The following ADRA1B variants were observed in gnomAD, a reference collection of about 807,000 sequenced individuals.
ADRA1B encodes the protein alpha-1B adrenergic receptor.
A neutral mutation model predicts 17.9 loss-of-function variants in ADRA1B; 17 were observed. The observed-to-expected ratio is 0.95, with a 90% confidence interval of 0.65 to 1.42. The LOEUF is 1.42. Among genes scored for constraint, ADRA1B ranks in the 40% most tolerant of loss-of-function variants. ADRA1B has a pLI of 0.00. For synonymous variants in ADRA1B, 366 were observed against 327.6 expected, an observed-to-expected ratio of 1.12 and a Z score of -1.27; for missense variants, 681 against 722.1, an observed-to-expected ratio of 0.94 and a Z score of 0.65.
chr5:159,926,770 C>A (rs1224496092), intron 1 of ADRA1B, among the ~76,000 whole-genome samples: 1 of 152,012 alleles, frequency 6.6e-6, no homozygotes. Context: ...ACCTGTAATC[C>A]CAGCTACTTG....
At chr5:159,955,587 T>C (rs1755537978) in intron 1 of ADRA1B, among the ~76,000 whole-genome samples, 1 of 152,154 alleles carries the variant, frequency 6.6e-6, no homozygotes, top group South Asian at 2.1e-4. Flanking sequence ...CACCTGTGCC[T>C]CTCTGCCAGC....
chr5:159,873,348 G>A (rs1232585360), intron 1 of ADRA1B, among the ~76,000 whole-genome samples: 1 of 152,194 alleles, frequency 6.6e-6, no homozygotes, highest in Non-Finnish European at 1.5e-5. Context: ...CTTCAGGAAA[G>A]AACCCACTGA....
chr5:159,877,915 C>T (rs545553639), intron 1 of ADRA1B, among the ~76,000 whole-genome samples: 1 of 152,290 alleles, frequency 6.6e-6, no homozygotes, highest in Non-Finnish European at 1.5e-5. Context: ...AGTGAATGCT[C>T]TTGAAATCCA....
chr5:159,984,042 T>C, the ADRA1B span, among the ~76,000 whole-genome samples: 2 of 152,062 alleles, frequency 1.3e-5, no homozygotes, highest in Admixed American at 6.6e-5. Flanking sequence ...TTGGTGTGAC[T>C]GATACACTGC....
chr5:159,898,478 C>T (rs1176493532), intron 1 of ADRA1B, among the ~76,000 whole-genome samples: 1 of 152,172 alleles, frequency 6.6e-6, no homozygotes, highest in Non-Finnish European at 1.5e-5. Flanking sequence ...GTTTATATCT[C>T]TAATGTATGT....
chr5:159,887,963 T>C (rs1201505219), intron 1 of ADRA1B: 3 of 152,178 alleles, frequency 2.0e-5, no homozygotes, highest in African/African-American at 7.2e-5. Context: ...GTTTTCCATA[T>C]TGGGCTTTCA....
chr5:159,966,289 G>A (rs1755774734), intron 1 of ADRA1B, among the ~76,000 whole-genome samples: 1 of 152,182 alleles, frequency 6.6e-6, no homozygotes, highest in African/African-American at 2.4e-5. Context: ...AGAGTTGACT[G>A]AGTGACAGAC....
At chr5:159,953,567 G>A (rs1755491211) in intron 1 of ADRA1B, among the ~76,000 whole-genome samples, 1 of 152,228 alleles carries the variant, frequency 6.6e-6, no homozygotes, top group Middle Eastern at 3.4e-3. Flanking sequence ...AGTAGCTCTG[G>A]GTCGGGCCTC....
Position 159,972,393 on chromosome 5 carries a change from C to T in ADRA1B, c.1464C>T (p.Asp488=), listed in dbSNP as rs1303677234. The T allele has an allele frequency of 6.2e-5, 93 of 1,511,930 alleles. No homozygotes were observed. The highest frequency in any genetic ancestry group is 7.8e-5 in the Non-Finnish European group (89 of 1,136,104). 93.7% of individuals were successfully genotyped at this position (1,511,930 alleles called of 1,614,324 possible). A position where few individuals can be genotyped will look rare whatever the true frequency, so the allele number is the denominator to read the frequency against. ...CCGAGCCCGAGAGCCCCGGGACCGA[C>T]GGCGGCGCCAGCAACGGAGGCTGCG... The part of the protein sequence containing the change: ...LLTEPESPGT[D]GGASNGGCEA... The change falls in exon 2 of 2, where the codon GAC becomes GAT. Residue 488 remains aspartate, a synonymous_variant. Coordinates refer to ENST00000306675, the MANE Select transcript of ADRA1B (RefSeq NM_000679.4).
intron 1 of ADRA1B, among the ~76,000 whole-genome samples, chr5:159,928,752 G>T (rs1754724853): frequency 6.6e-6 from 1 of 152,146 alleles, no homozygotes; most frequent in Admixed American, 6.5e-5. Flanking sequence ...GTTAAAATGG[G>T]ACCAAGGGCA....
At chr5:159,982,961 C>A in the ADRA1B span, among the ~76,000 whole-genome samples, 19 of 152,330 alleles carry the variant, frequency 1.2e-4, no homozygotes, top group African/African-American at 4.6e-4. Context: ...TCTGAACGTG[C>A]GTGCACACAC....
chr5:159,881,311 C>CTCTCTCTCTG, intron 1 of ADRA1B, among the ~76,000 whole-genome samples: 1 of 148,012 alleles, frequency 6.8e-6, no homozygotes, highest in Non-Finnish European at 1.5e-5. Context: ...CTCTCTCTCT[C>CTCTCTCTCTG]TCTCTCTCTC....
chr5:159,880,357 A>G (rs563323757), intron 1 of ADRA1B, among the ~76,000 whole-genome samples: 27 of 152,362 alleles, frequency 1.8e-4, no homozygotes, highest in African/African-American at 5.8e-4. Context: ...TAAGTGCCAC[A>G]TAATTCATTC....
At chr5:159,953,130 G>C (rs1755478687) in intron 1 of ADRA1B, among the ~76,000 whole-genome samples, 1 of 152,180 alleles carries the variant, frequency 6.6e-6, no homozygotes, top group South Asian at 2.1e-4. Context: ...GGAGGCCAAG[G>C]CAGGTGGATC....
At chr5:159,942,911 T>C (rs886149527) in intron 1 of ADRA1B, among the ~76,000 whole-genome samples, 1 of 152,198 alleles carries the variant, frequency 6.6e-6, no homozygotes, top group Non-Finnish European at 1.5e-5. Context: ...ATTACATGTG[T>C]AATTAATAAT....
chr5:159,922,329 G>A (rs768471134), intron 1 of ADRA1B, among the ~76,000 whole-genome samples: 28 of 152,284 alleles, frequency 1.8e-4, no homozygotes, highest in Middle Eastern at 6.8e-3. Flanking sequence ...TCTGGTCCAA[G>A]GTCACACATC....
At chr5:159,904,727 T>C (rs1246565481) in intron 1 of ADRA1B, among the ~76,000 whole-genome samples, 2 of 152,236 alleles carry the variant, frequency 1.3e-5, no homozygotes, top group East Asian at 3.8e-4. Flanking sequence ...GATACTGAAG[T>C]CTCCTGAAGT....
chr5:159,867,432 T>C (rs1753672348), intron 1 of ADRA1B, among the ~76,000 whole-genome samples: 2 of 152,204 alleles, frequency 1.3e-5, no homozygotes, highest in Admixed American at 6.5e-5. Flanking sequence ...TCATGTACAA[T>C]GCAGTACAAC....
chr5:159,936,989 A>C (rs76342362), intron 1 of ADRA1B, among the ~76,000 whole-genome samples: 4,856 of 152,274 alleles, frequency 0.032, 107 homozygotes, highest in Middle Eastern at 0.048. Context: ...ATCACCCAGA[A>C]ACTTGTTATA....
Sources: gnomAD v4.1 joint callset for allele counts (sites outside exome capture counted in the v4.1 genomes callset) on GRCh38, gnomAD v4.1.1 for gene constraint, MANE v1.5 for transcripts, NCBI Gene and HGNC (gene_info 2026-07-23, HGNC 2026-07-21) for gene names.